DLGAP2: variants seen among roughly 807,000 people sequenced by gnomAD.
DLGAP2 encodes the protein DLG associated protein 2, also known as disks large-associated protein 2.
Under a neutral mutation model 100.3 loss-of-function variants are expected in DLGAP2, and 26 were observed. The ratio of observed to expected loss-of-function variants is 0.26; its 90% CI spans 0.19 to 0.36. The LOEUF (loss-of-function observed/expected upper bound fraction) is 0.36, where lower values mean the gene tolerates loss of function less well. Ranked by LOEUF, DLGAP2 falls within the 10% of genes least tolerant of loss-of-function variation. The pLI is 1.00. For missense variants in DLGAP2, 1,858 were observed against 1,453.2 expected (o/e 1.28, Z -4.53); for synonymous variants, 886 against 630.1 (o/e 1.41, Z -6.08).
intron 3 of DLGAP2, among the ~76,000 whole-genome samples, chr8:1,480,853 C>A (rs533799164): frequency 6.9e-6 from 1 of 145,748 alleles, no homozygotes; most frequent in Admixed American, 7.0e-5. Flanking sequence ...GAAACAAGAA[C>A]GAAACTCCAT....
chr8:1,021,451 G>A (rs942582861), intron 2 of DLGAP2, among the ~76,000 whole-genome samples: 1 of 152,178 alleles, frequency 6.6e-6, no homozygotes, highest in African/African-American at 2.4e-5. Context: ...ATTATTGGCA[G>A]GGGCAGATTA....
chr8:1,152,971 G>T lies in DLGAP2; in HGVS notation c.74-105880G>T, dbSNP rs117184178. ...AACATTTTTCCTCTCTGATGTATTT[G>T]GCACTATTAATTCAAGCTATTCTGT... On this transcript the variant is annotated intron_variant, in intron 2 of 14. Coordinates refer to ENST00000637795, the MANE Select transcript of DLGAP2 (RefSeq NM_001346810.2). Among the ~76,000 whole-genome samples, 155 of 152,224 alleles carry T rather than the reference G, an allele frequency of 1.0e-3. 1 individual carries two copies. The East Asian group carries it at 0.022, about 21-fold the overall frequency.
At chr8:1,080,099 C>T (rs1803752678) in intron 2 of DLGAP2, among the ~76,000 whole-genome samples, 1 of 152,204 alleles carries the variant, frequency 6.6e-6, no homozygotes, top group South Asian at 2.1e-4. Flanking sequence ...CTTCCCCAGC[C>T]TCCCAGCCAT....
At chr8:907,423 ACTG>A (rs1454435244) in intron 1 of DLGAP2, among the ~76,000 whole-genome samples, 4 of 152,156 alleles carry the variant, frequency 2.6e-5, no homozygotes, top group Non-Finnish European at 5.9e-5. Flanking sequence ...CCATTTTACT[ACTG>A]AAGTATGAAT....
intron 1 of DLGAP2, among the ~76,000 whole-genome samples, chr8:801,490 G>A (rs886166780): frequency 6.6e-6 from 1 of 152,354 alleles, no homozygotes; most frequent in South Asian, 2.1e-4. Context: ...GAGCATGTGC[G>A]TTAATGAAGT....
chr8:1,130,886 T>C (rs1223305705), intron 2 of DLGAP2, among the ~76,000 whole-genome samples: 1 of 139,848 alleles, frequency 7.2e-6, no homozygotes, highest in Non-Finnish European at 1.6e-5. Context: ...GACCCCTAGC[T>C]CGGCAGCGGC....
intron 4 of DLGAP2, among the ~76,000 whole-genome samples, chr8:1,510,606 C>A (rs868714625): frequency 3.9e-5 from 6 of 152,216 alleles, no homozygotes; most frequent in Admixed American, 1.3e-4. Context: ...ATGCTTAACG[C>A]CACAGCAAAC....
chr8:839,415 C>A (rs1796940900), intron 1 of DLGAP2, among the ~76,000 whole-genome samples: 1 of 152,190 alleles, frequency 6.6e-6, no homozygotes, highest in South Asian at 2.1e-4. Context: ...AAGACAAAGA[C>A]ATTTCTGTCA....
chr8:1,263,255 T>C, intron 3 of DLGAP2, among the ~76,000 whole-genome samples: 1 of 152,308 alleles, frequency 6.6e-6, no homozygotes, highest in Admixed American at 6.5e-5. Flanking sequence ...TTTTAGAAAT[T>C]CCAGGCTAAA....
intron 3 of DLGAP2, among the ~76,000 whole-genome samples, chr8:1,365,214 C>A (rs920318220): frequency 6.6e-6 from 1 of 152,190 alleles, no homozygotes; most frequent in Non-Finnish European, 1.5e-5. Context: ...CCGGTCCACA[C>A]CTGCACCTGG....
chr8:1,622,602 T>A (rs1797374243), intron 6 of DLGAP2, among the ~76,000 whole-genome samples: 1 of 152,228 alleles, frequency 6.6e-6, no homozygotes, highest in Non-Finnish European at 1.5e-5. Context: ...GGGTTATGGA[T>A]TCACTTGCAC....
intron 3 of DLGAP2, among the ~76,000 whole-genome samples, chr8:1,430,862 G>C (rs1408220120): frequency 1.3e-5 from 2 of 152,152 alleles, no homozygotes; most frequent in African/African-American, 4.8e-5. Flanking sequence ...CAGCGTCTTT[G>C]ATATCAGGCA....
chr8:1,548,386 G>C (rs1271116466), intron 4 of DLGAP2, among the ~76,000 whole-genome samples: 1 of 150,298 alleles, frequency 6.7e-6, no homozygotes, highest in Non-Finnish European at 1.5e-5. Context: ...TTGAACCCGG[G>C]AGGCGGAGCT....
At chr8:1,146,666 T>C (rs1377777732) in intron 2 of DLGAP2, among the ~76,000 whole-genome samples, 1 of 152,118 alleles carries the variant, frequency 6.6e-6, no homozygotes, top group Non-Finnish European at 1.5e-5. Flanking sequence ...CACGTGTGTG[T>C]GCATGTGTGT....
intron 2 of DLGAP2, among the ~76,000 whole-genome samples, chr8:1,148,762 C>A (rs1563216571): frequency 6.6e-6 from 1 of 152,112 alleles, no homozygotes; most frequent in South Asian, 2.1e-4. Context: ...TTTAATTCTA[C>A]TGTAGTCAGA....
At chr8:1,012,505 G>C (rs1801320520) in intron 2 of DLGAP2, among the ~76,000 whole-genome samples, 1 of 142,444 alleles carries the variant, frequency 7.0e-6, no homozygotes, top group Non-Finnish European at 1.5e-5. Flanking sequence ...CCCCACTTCA[G>C]CGGCAGTGTG....
chr8:1,189,124 AT>A (rs1379916029), intron 2 of DLGAP2, among the ~76,000 whole-genome samples: 4 of 138,228 alleles, frequency 2.9e-5, no homozygotes, highest in African/African-American at 1.4e-4. Flanking sequence ...TTCGGGCCCC[AT>A]GGCGGTTCCG....
intron 2 of DLGAP2, among the ~76,000 whole-genome samples, chr8:1,169,294 A>G (rs968356542): frequency 1.3e-5 from 2 of 152,182 alleles, no homozygotes; most frequent in Admixed American, 6.5e-5. Flanking sequence ...GCCTTGTAAT[A>G]TACTTTGAAG....
chr8:1,340,085 T>C (rs1041445098), intron 3 of DLGAP2, among the ~76,000 whole-genome samples: 1 of 152,130 alleles, frequency 6.6e-6, no homozygotes, highest in Non-Finnish European at 1.5e-5. Flanking sequence ...TATGCCAAAA[T>C]TAATTCAAGA....
Sources: gnomAD v4.1 joint callset for allele counts (sites outside exome capture counted in the v4.1 genomes callset) on GRCh38, gnomAD v4.1.1 for gene constraint, MANE v1.5 for transcripts, NCBI Gene and HGNC (gene_info 2026-07-23, HGNC 2026-07-21) for gene names.